RBM47: variants seen among roughly 807,000 people sequenced by gnomAD.
The protein encoded by RBM47 is RNA binding motif protein 47.
In RBM47, 21 loss-of-function variants were observed where a neutral mutation model predicts 47.1. The ratio of observed to expected loss-of-function variants is 0.45; its 90% confidence interval spans 0.32 to 0.64. The LOEUF is 0.64. RBM47 is among the 30% of genes least tolerant of loss of function. The pLI, the probability that RBM47 is intolerant of heterozygous loss-of-function variation, is 0.05. For missense variants in RBM47, 708 were observed against 870.9 expected, an observed-to-expected ratio of 0.81 and a Z score of 2.35; for synonymous variants, 375 against 361.7, an observed-to-expected ratio of 1.04 and a Z score of -0.42.
At chr4:40,431,273 C>A (rs1482423552) in intron 6 of RBM47, among the ~76,000 whole-genome samples, 1 of 152,150 alleles carries the variant, frequency 6.6e-6, no homozygotes, top group Non-Finnish European at 1.5e-5. Context: ...AGGACACAGT[C>A]TTTGGTCTGT....
chr4:40,480,683 C>G (rs369767445), intron 2 of RBM47, among the ~76,000 whole-genome samples: 3 of 152,088 alleles, frequency 2.0e-5, no homozygotes, highest in Non-Finnish European at 2.9e-5. Flanking sequence ...TTCCTCTACC[C>G]GAGGCAGCAC....
chr4:40,455,676 G>A (rs1051616169), intron 3 of RBM47: 2 of 152,274 alleles, frequency 1.3e-5, no homozygotes, highest in South Asian at 4.1e-4. Flanking sequence ...CTTCAGCCTA[G>A]GAGGTTAAGG....
chr4:40,425,100 G>A lies in RBM47; in HGVS notation c.*804C>T, dbSNP rs902369233. 3 of 152,520 alleles carry A rather than the reference G, an allele frequency of 2.0e-5. No individual in the cohort carries two copies. Among genetic ancestry groups the A allele is most frequent in the African/African-American group, 4.8e-5 (2 of 41,424 alleles). 9.4% of individuals were successfully genotyped at this position (152,520 alleles called of 1,614,324 possible). On this transcript the variant is annotated 3_prime_UTR_variant, in exon 7 of 7. Coordinates refer to ENST00000295971, the MANE Select transcript of RBM47 (RefSeq NM_001098634.2). ...CAGTCCTAGGCTTGCCAAACATTGC[G>A]GTGGGATTGGGAATCTGGGGAGGAG...
chr4:40,448,924 G>A (rs1026270338), intron 3 of RBM47, among the ~76,000 whole-genome samples: 4 of 152,172 alleles, frequency 2.6e-5, no homozygotes, highest in African/African-American at 7.2e-5. Flanking sequence ...GGGTGAAGGA[G>A]GGGGTGGGGT....
chr4:40,493,218 T>G (rs1163318041), intron 2 of RBM47, among the ~76,000 whole-genome samples: 1 of 152,114 alleles, frequency 6.6e-6, no homozygotes, highest in African/African-American at 2.4e-5. Flanking sequence ...GAATGACACA[T>G]GTAGACTGTC....
chr4:40,579,144 C>A (rs1025199064), intron 1 of RBM47, among the ~76,000 whole-genome samples: 1 of 146,058 alleles, frequency 6.8e-6, no homozygotes, highest in African/African-American at 2.5e-5. Context: ...AAAATGCAGC[C>A]AGGCACGGTG....
intron 2 of RBM47, among the ~76,000 whole-genome samples, chr4:40,476,058 G>T (rs11935410): frequency 4.6e-5 from 7 of 152,214 alleles, no homozygotes; most frequent in South Asian, 4.1e-4. Context: ...CCCAAATAAC[G>T]ACCGTAAGGA....
At chr4:40,601,854 C>T (rs1328017498) in intron 1 of RBM47, among the ~76,000 whole-genome samples, 1 of 152,188 alleles carries the variant, frequency 6.6e-6, no homozygotes, top group African/African-American at 2.4e-5. Context: ...CTTACTAGCC[C>T]TTCAATTTAG....
chr4:40,625,749 A>T (rs975575397), intron 1 of RBM47, among the ~76,000 whole-genome samples: 1 of 152,162 alleles, frequency 6.6e-6, no homozygotes, highest in Non-Finnish European at 1.5e-5. Context: ...AGCATCCCCA[A>T]AGACAAATAT....
At chr4:40,457,156 A>G (rs1476280343) in intron 3 of RBM47, among the ~76,000 whole-genome samples, 3 of 151,576 alleles carry the variant, frequency 2.0e-5, no homozygotes, top group Non-Finnish European at 4.4e-5. Context: ...GTGGTGGCTC[A>G]CGCCTGTAAT....
intron 1 of RBM47, among the ~76,000 whole-genome samples, chr4:40,560,891 A>T (rs1577961283): frequency 6.6e-6 from 1 of 151,970 alleles, no homozygotes; most frequent in African/African-American, 2.4e-5. Context: ...ACTTGCACAC[A>T]GAAGTGGAGG....
intron 3 of RBM47, among the ~76,000 whole-genome samples, chr4:40,453,404 G>A (rs918477185): frequency 1.3e-5 from 2 of 152,180 alleles, no homozygotes; most frequent in Non-Finnish European, 2.9e-5. Context: ...TGTAGCCGAG[G>A]ATTGAAAATC....
At chr4:40,503,591 T>TC (rs1271562153) in intron 2 of RBM47, among the ~76,000 whole-genome samples, 1 of 152,200 alleles carries the variant, frequency 6.6e-6, no homozygotes, top group African/African-American at 2.4e-5. Context: ...GTGTTTACTG[T>TC]CATTGTCTTG....
intron 1 of RBM47, among the ~76,000 whole-genome samples, chr4:40,557,145 T>A (rs1368521648): frequency 1.3e-5 from 2 of 152,202 alleles, no homozygotes; most frequent in Non-Finnish European, 2.9e-5. Context: ...CACAGTGTGC[T>A]TACTTGGCTA....
chr4:40,567,369 G>C (rs1232997262), intron 1 of RBM47, among the ~76,000 whole-genome samples: 1 of 151,958 alleles, frequency 6.6e-6, no homozygotes, highest in South Asian at 2.1e-4. Context: ...CTATATATAA[G>C]TTCTCTCATT....
At chr4:40,473,473 A>G (rs1023828007) in intron 2 of RBM47, among the ~76,000 whole-genome samples, 2 of 152,232 alleles carry the variant, frequency 1.3e-5, no homozygotes, top group African/African-American at 4.8e-5. Context: ...CAACATGAGG[A>G]GTTAAACCTG....
At chr4:40,580,447 AC>A (rs1179869830) in intron 1 of RBM47, among the ~76,000 whole-genome samples, 1 of 139,628 alleles carries the variant, frequency 7.2e-6, no homozygotes, top group Non-Finnish European at 1.5e-5. Context: ...CATTGTGGAC[AC>A]CAGATCAGGA....
At chr4:40,478,967 T>C (rs1316225815) in intron 2 of RBM47, among the ~76,000 whole-genome samples, 3 of 152,086 alleles carry the variant, frequency 2.0e-5, no homozygotes, top group African/African-American at 7.3e-5. Flanking sequence ...ATAAAAGAAA[T>C]TGCACATATG....
In RBM47 at chr4:40,614,342, A is replaced by G. The variant is rs183578271; in HGVS notation, c.-240+15054T>C. On this transcript the variant is annotated intron_variant, in intron 1 of 6. Transcript: ENST00000295971. ...AGAGAAAATTGCAGCTGTGTAAAAC[A>G]TAAGTCAAAGCCTAGTCCAAAATCT... Among the ~76,000 whole-genome samples the G allele has an allele frequency of 3.0e-3, 454 of 152,308 alleles. 2 individuals carry two copies. Among genetic ancestry groups the G allele is most frequent in the Admixed American group, 9.3e-3 (142 of 15,290 alleles).
Sources: gnomAD v4.1 joint callset for allele counts (sites outside exome capture counted in the v4.1 genomes callset) on GRCh38, gnomAD v4.1.1 for gene constraint, MANE v1.5 for transcripts, NCBI Gene and HGNC (gene_info 2026-07-23, HGNC 2026-07-21) for gene names.